The following TAMM41 variants were observed in gnomAD, a reference collection of about 807,000 sequenced individuals.
The protein encoded by TAMM41 is phosphatidate cytidylyltransferase, mitochondrial.
A neutral mutation model predicts 44.1 loss-of-function variants in TAMM41; 36 were observed. That is an observed-to-expected ratio of 0.82 (90% CI 0.63 to 1.08). The LOEUF is 1.08. Among genes scored for constraint, TAMM41 ranks in the 50% least tolerant of loss-of-function variants. TAMM41 has a pLI of 0.00. For missense variants in TAMM41, 417 were observed against 404.3 expected (o/e 1.03, Z -0.27); for synonymous variants, 164 against 153.1 (o/e 1.07, Z -0.53).
the TAMM41 span, among the ~76,000 whole-genome samples, chr3:11,775,255 T>C: frequency 1.4e-4 from 21 of 152,084 alleles, no homozygotes; most frequent in African/African-American, 5.1e-4. Flanking sequence ...GTTCCAGCCA[T>C]AAGCCAGAAT....
In TAMM41 at chr3:11,817,348, CAA is replaced by C. The variant is rs767176268; in HGVS notation, c.563-13_563-12del. 3.1e-6 allele frequency: 5 copies of C among 1,603,262 alleles called. No homozygotes were observed. In the South Asian group the frequency reaches 3.3e-5, roughly 11 times the overall value. ...CCATCCGAAAGTCACCTAGTTAAAA[CAA>C]AGAGATAAACACATCTTCCATTAAG... On this transcript the variant is annotated splice_polypyrimidine_tract_variant and intron_variant, in intron 4 of 7. Coordinates refer to ENST00000455809, the MANE Select transcript of TAMM41 (RefSeq NM_001284401.2).
chr3:11,812,411 A>G (rs1289262166), intron 5 of TAMM41, among the ~76,000 whole-genome samples: 1 of 152,162 alleles, frequency 6.6e-6, no homozygotes, highest in Non-Finnish European at 1.5e-5. Flanking sequence ...ATCCTGAATC[A>G]ATCACCATTA....
chr3:11,808,219 T>C, intron 6 of TAMM41: 1 of 1,101,386 alleles, frequency 9.1e-7, no homozygotes, highest in Non-Finnish European at 1.1e-6. Context: ...TTGAGATTTC[T>C]GGTTCTCAAT....
chr3:11,814,061 G>A (rs1484473685), intron 5 of TAMM41, among the ~76,000 whole-genome samples: 2 of 151,410 alleles, frequency 1.3e-5, no homozygotes, highest in African/African-American at 2.4e-5. Context: ...GCCTGTAGTC[G>A]CAGCTCCTCA....
intron 5 of TAMM41, chr3:11,810,641 G>A (rs143895464): frequency 1.3e-5 from 2 of 152,266 alleles, no homozygotes; most frequent in East Asian, 3.8e-4. Flanking sequence ...TCAACTAAGA[G>A]AAGAGTAAGA....
intron 7 of TAMM41, among the ~76,000 whole-genome samples, chr3:11,798,021 A>G (rs2077652168): frequency 6.6e-6 from 1 of 152,200 alleles, no homozygotes; most frequent in East Asian, 1.9e-4. Flanking sequence ...GGTTGTGGAG[A>G]AAAAGGAACA....
At chr3:11,845,726 C>G (rs561864395) in intron 1 of TAMM41, among the ~76,000 whole-genome samples, 2 of 152,262 alleles carry the variant, frequency 1.3e-5, no homozygotes, top group Admixed American at 1.3e-4. Context: ...GGATGTTAAT[C>G]AGAAGACAGA....
At chr3:11,818,411 A>G (rs1310283129) in intron 4 of TAMM41, among the ~76,000 whole-genome samples, 2 of 152,184 alleles carry the variant, frequency 1.3e-5, no homozygotes, top group Admixed American at 6.5e-5. Context: ...GGGATCATAG[A>G]GGTCATTATT....
chr3:11,816,811 AAC>A (rs2078297441), intron 5 of TAMM41, among the ~76,000 whole-genome samples: 1 of 152,132 alleles, frequency 6.6e-6, no homozygotes, highest in Non-Finnish European at 1.5e-5. Flanking sequence ...CCAGACACCA[AAC>A]TGTCAGTACA....
At chr3:11,737,659 A>G in the TAMM41 span, among the ~76,000 whole-genome samples, 1 of 152,196 alleles carries the variant, frequency 6.6e-6, no homozygotes, top group Non-Finnish European at 1.5e-5. Flanking sequence ...TCAAATATGT[A>G]TATCATCAAA....
the TAMM41 span, among the ~76,000 whole-genome samples, chr3:11,752,519 C>T: frequency 6.7e-6 from 1 of 150,048 alleles, no homozygotes; most frequent in Non-Finnish European, 1.5e-5. Context: ...CTACAGAGTG[C>T]TGATTAGGGC....
At chr3:11,798,943 A>T (rs1266359379) in intron 7 of TAMM41, among the ~76,000 whole-genome samples, 4 of 152,154 alleles carry the variant, frequency 2.6e-5, no homozygotes, top group African/African-American at 9.7e-5. Context: ...GGCCAGGTGC[A>T]GTGGCTTAAC....
chr3:11,758,791 A>G, the TAMM41 span, among the ~76,000 whole-genome samples: 3 of 152,188 alleles, frequency 2.0e-5, no homozygotes, highest in African/African-American at 7.2e-5. Flanking sequence ...CTCCCGCCTC[A>G]GCCTCCTGAG....
At chr3:11,792,457 G>T (rs968559453) in intron 7 of TAMM41, among the ~76,000 whole-genome samples, 2 of 152,190 alleles carry the variant, frequency 1.3e-5, no homozygotes, top group African/African-American at 4.8e-5. Flanking sequence ...CTGAGTGTCT[G>T]TGAACTCCCT....
chr3:11,787,841 T>G (rs2077425941), downstream of TAMM41, among the ~76,000 whole-genome samples: 1 of 152,238 alleles, frequency 6.6e-6, no homozygotes, highest in Non-Finnish European at 1.5e-5. Context: ...CATTTATTTC[T>G]TGAGCCTTCT....
chr3:11,772,485 T>G, the TAMM41 span, among the ~76,000 whole-genome samples: 3 of 152,184 alleles, frequency 2.0e-5, no homozygotes, highest in Non-Finnish European at 4.4e-5. Flanking sequence ...TCACTTAGGA[T>G]AATGGCCTCC....
the TAMM41 span, among the ~76,000 whole-genome samples, chr3:11,784,319 C>G: frequency 1.3e-5 from 2 of 152,122 alleles, no homozygotes; most frequent in East Asian, 3.9e-4. Context: ...CATGGTGAAA[C>G]CCTGTCTCTA....
At chr3:11,760,135 GA>G in the TAMM41 span, among the ~76,000 whole-genome samples, 3 of 152,088 alleles carry the variant, frequency 2.0e-5, no homozygotes, top group African/African-American at 7.2e-5. Context: ...TTTCATTAAG[GA>G]AATATATTAG....
chr3:11,730,335 G>C, the TAMM41 span, among the ~76,000 whole-genome samples: 4 of 150,688 alleles, frequency 2.7e-5, no homozygotes, highest in Non-Finnish European at 5.9e-5. Flanking sequence ...GCAGAGAATA[G>C]CTTGAACCTG....
Sources: gnomAD v4.1 joint callset for allele counts (sites outside exome capture counted in the v4.1 genomes callset) on GRCh38, gnomAD v4.1.1 for gene constraint, MANE v1.5 for transcripts, NCBI Gene and HGNC (gene_info 2026-07-23, HGNC 2026-07-21) for gene names.